SYNC: variants seen among roughly 807,000 people sequenced by gnomAD.
The protein encoded by SYNC is syncoilin, intermediate filament protein.
SYNC carries 38 observed loss-of-function variants against 49.5 expected under a neutral mutation model. The ratio of observed to expected loss-of-function variants is 0.77; its 90% confidence interval spans 0.59 to 1.01. The LOEUF (loss-of-function observed/expected upper bound fraction) is 1.01. Among genes scored for constraint, SYNC ranks in the 50% least tolerant of loss-of-function variants. The probability of loss-of-function intolerance (pLI) is 0.00; values close to 1 mark genes in which losing one functional copy is unlikely to be tolerated. For synonymous variants in SYNC, 201 were observed against 230.8 expected (o/e 0.87, Z 1.17); for missense variants, 579 against 580.6 (o/e 1.00, Z 0.03).
At position 32,702,636 on chromosome 1, in the gene SYNC, C is replaced by A. The variant is rs1019645849; in HGVS notation, c.25G>T (p.Gly9Cys). The change falls in exon 1 of 5, where the codon GGC becomes TGC. Residue 9 changes from glycine (G) to cysteine (C), a missense_variant. Physicochemically the swap from Gly to Cys is radical, Grantham distance 159. Coordinates refer to ENST00000409190, the MANE Select transcript of SYNC (RefSeq NM_030786.3). The surrounding 1 kb of genome is among the most constrained non-coding windows in gnomAD (Gnocchi z 6.2). ...GCGGCCTGGGCGGCGCCGTCCCCGCCGCGCCGGGGCTCCGGGCTGGCCATG... is the reference window on the plus strand; with the variant it reads ...GCGGCCTGGGCGGCGCCGTCCCCGCAGCGCCGGGGCTCCGGGCTGGCCATG... MASPEPRR[G>C]GDGAAQAARK... 4.9e-6 allele frequency: 6 copies of A among 1,213,866 alleles called. No individual in the cohort carries two copies. In the Admixed American group the frequency reaches 2.6e-4, roughly 52 times the overall value. 75.2% of individuals were successfully genotyped at this position (1,213,866 alleles called of 1,614,324 possible).
chr1:32,699,045 G>A (rs1020772418), intron 1 of SYNC, among the ~76,000 whole-genome samples: 1 of 151,726 alleles, frequency 6.6e-6, no homozygotes, highest in African/African-American at 2.4e-5. Flanking sequence ...CTCCCAAAGT[G>A]CTGGGATTAC....
intron 2 of SYNC, among the ~76,000 whole-genome samples, chr1:32,688,611 CTT>C: frequency 6.6e-6 from 1 of 152,242 alleles, no homozygotes; most frequent in Admixed American, 6.5e-5. Flanking sequence ...GGAGTACAAA[CTT>C]TTTTTAAGGC....
At chr1:32,685,986 T>C (rs1649800926) in intron 2 of SYNC, 1 of 152,210 alleles carries the variant, frequency 6.6e-6, no homozygotes, top group African/African-American at 2.4e-5. Context: ...TCTGTTACTC[T>C]TCCGTATGAA....
chr1:32,688,492 T>C (rs563769499), intron 2 of SYNC, among the ~76,000 whole-genome samples: 54 of 152,334 alleles, frequency 3.5e-4, no homozygotes, highest in African/African-American at 1.3e-3. Flanking sequence ...ATATGTTTAA[T>C]TGATGCCAAG....
chr1:32,689,471 C>G (rs1650053948), intron 2 of SYNC, among the ~76,000 whole-genome samples: 1 of 151,428 alleles, frequency 6.6e-6, no homozygotes. Flanking sequence ...GAACTCCTGA[C>G]CTTGTGATCC....
At chr1:32,698,202 G>C (rs1239304958) in intron 1 of SYNC, among the ~76,000 whole-genome samples, 2 of 112,212 alleles carry the variant, frequency 1.8e-5, no homozygotes, top group African/African-American at 7.3e-5. Flanking sequence ...GCGACAGACC[G>C]GGACTCCATC....
rs1017485834 is a variant in SYNC, at chr1:32,695,987, C to G, written c.111G>C (p.Glu37Asp). The G allele has an allele frequency of 6.5e-7, 1 of 1,541,764 alleles. No individual in the cohort carries two copies. The highest frequency in any genetic ancestry group is 1.4e-5 in the African/African-American group (1 of 73,038). Residue 37 changes from glutamate to aspartate, a missense_variant, in exon 2 of 5, where the codon GAG becomes GAC. By Grantham distance (45) the Glu-to-Asp change is conservative (BLOSUM62 2). Transcript: ENST00000409190. ...PLPKNSGSLN[E>D]AEALNPEVTL... ...TAACTTCTGGGTTCAAGGCTTCTGC[C>G]TCATTTAGGGATCCAGAGTTCTTTG...
intron 3 of SYNC, 74 bp from the exon 4 acceptor site, chr1:32,684,163 TTTTG>T: frequency 6.2e-7 from 1 of 1,606,248 alleles, no homozygotes; most frequent in Non-Finnish European, 8.5e-7. Flanking sequence ...CAAATCCTCT[TTTTG>T]TTTTTGATTC....
In SYNC at chr1:32,684,434, C is replaced by T. The variant is rs767240487; in HGVS notation, c.1234-52G>A. ...TAATGAGCCAAACAATAAAAACTCA[C>T]ATTGTCCACTCTTACTTATAAAACA... On this transcript the variant is annotated intron_variant, in intron 2 of 4. Coordinates refer to ENST00000409190, the MANE Select transcript of SYNC (RefSeq NM_030786.3). The T allele has an allele frequency of 3.7e-6, 6 of 1,612,008 alleles. No individual in the cohort carries two copies. The South Asian group carries it at 4.4e-5, about 12-fold the overall frequency.
In SYNC at chr1:32,680,742, G is replaced by A; in HGVS notation, c.*1108C>T. 1 of 538,468 alleles carries A rather than the reference G, an allele frequency of 1.9e-6. No homozygotes were observed. The highest frequency in any genetic ancestry group is 3.2e-5 in the East Asian group (1 of 31,742). 33.4% of individuals were successfully genotyped at this position (538,468 alleles called of 1,614,324 possible). On this transcript the variant is annotated 3_prime_UTR_variant, in exon 5 of 5. Coordinates refer to ENST00000409190, the MANE Select transcript of SYNC (RefSeq NM_030786.3). ...AAGAGTCCTTCAGATGACAGTTGTTGTCCATGGTCTTTGACTATCAAGAGC... is the reference window on the plus strand; with the variant it reads ...AAGAGTCCTTCAGATGACAGTTGTTATCCATGGTCTTTGACTATCAAGAGC...
chr1:32,680,486 ATTAAAT>A lies in SYNC; in HGVS notation c.*1358_*1363del, dbSNP rs1649367797. On this transcript the variant is annotated 3_prime_UTR_variant, in exon 5 of 5. Coordinates refer to ENST00000409190, the MANE Select transcript of SYNC (RefSeq NM_030786.3). ...TCAATAACTTGTATTTGTTTTAAAA[ATTAAAT>A]TAATCCTTGATAAGAGTTGCTTTTT... is the stretch of plus-strand genomic sequence containing the variant. The A allele has an allele frequency of 1.3e-6, 2 of 1,539,654 alleles. No individual in the cohort carries two copies. Among genetic ancestry groups the A allele is most frequent in the East Asian group, 4.9e-5 (2 of 40,748 alleles).
At chr1:32,698,240 C>T (rs555405887) in intron 1 of SYNC, among the ~76,000 whole-genome samples, 35 of 140,052 alleles carry the variant, frequency 2.5e-4, no homozygotes, top group South Asian at 1.6e-3. Flanking sequence ...AAAAAAATGC[C>T]GGGCGTGGTG....
rs560279083 is a variant in SYNC, at chr1:32,683,797, T to C, written c.1438+213A>G. On this transcript the variant is annotated intron_variant, in intron 4 of 4. Transcript: ENST00000409190. ...ATAAGTGCCTGCCACTATGCCCGGCTAATTTTTGTATTTTTAGTGGAGATG... is the reference window on the plus strand; with the variant it reads ...ATAAGTGCCTGCCACTATGCCCGGCCAATTTTTGTATTTTTAGTGGAGATG... The C allele has an allele frequency of 9.5e-6, 5 of 524,938 alleles. No homozygotes were observed. In the East Asian group the frequency reaches 1.8e-4, roughly 19 times the overall value. 32.5% of individuals were successfully genotyped at this position (524,938 alleles called of 1,614,324 possible).
At chr1:32,699,151 TTC>T (rs1388042521) in intron 1 of SYNC, among the ~76,000 whole-genome samples, 1 of 66,340 alleles carries the variant, frequency 1.5e-5, no homozygotes, top group Non-Finnish European at 3.0e-5. Context: ...GACTTTTCTT[TTC>T]TTTTTTTTTT....
chr1:32,682,501 G>A (rs551769148), intron 4 of SYNC: 8 of 152,328 alleles, frequency 5.3e-5, no homozygotes, highest in South Asian at 4.1e-4. Flanking sequence ...GGCCAGGCGC[G>A]GTGGTTCACG....
intron 4 of SYNC, chr1:32,682,077 C>T: frequency 1.8e-6 from 1 of 543,626 alleles, no homozygotes; most frequent in Non-Finnish European, 3.3e-6. Context: ...TAACTTCTTA[C>T]AGGTATAATT....
At chr1:32,684,565 A>G (rs1557868891) in intron 2 of SYNC, 183 bp from the exon 3 acceptor site, 3 of 836,716 alleles carry the variant, frequency 3.6e-6, no homozygotes, top group African/African-American at 3.4e-5. Flanking sequence ...AAAAGTGACA[A>G]TGCTTTTGAA....
chr1:32,687,021 C>T (rs1415708117), intron 2 of SYNC, among the ~76,000 whole-genome samples: 4 of 152,152 alleles, frequency 2.6e-5, no homozygotes, highest in African/African-American at 9.7e-5. Context: ...AGAAGGTCCA[C>T]AGCTTTAGAG....
rs1649629371 is a variant in SYNC at position 32,683,990 on chromosome 1, C to T, written c.1438+20G>A. 6.3e-7 allele frequency: 1 copy of T among 1,596,444 alleles called. No homozygotes were observed. Among genetic ancestry groups the T allele is most frequent in the African/African-American group, 1.3e-5 (1 of 74,668 alleles). ...AAGCAGTAACAATGCAAACACCACT[C>T]TTCTCTTCACAAAGATCACCTTGAG... On this transcript the variant is annotated intron_variant, in intron 4 of 4. Transcript: ENST00000409190.
Sources: gnomAD v4.1 joint callset for allele counts (sites outside exome capture counted in the v4.1 genomes callset) on GRCh38, gnomAD v4.1.1 for gene constraint, Gnocchi (gnomAD v3.1) non-coding constraint, MANE v1.5 for transcripts, NCBI Gene and HGNC (gene_info 2026-07-23, HGNC 2026-07-21) for gene names.